DPP6: variants seen among roughly 807,000 people sequenced by gnomAD.
DPP6 encodes the protein A-type potassium channel modulatory protein DPP6.
A neutral mutation model predicts 122.6 loss-of-function variants in DPP6; 69 were observed. The observed-to-expected ratio is 0.56, with a 90% CI of 0.46 to 0.69. The LOEUF (loss-of-function observed/expected upper bound fraction) is 0.69. DPP6 is among the 30% of genes least tolerant of loss of function. The probability of loss-of-function intolerance (pLI) is 0.00; values close to 1 mark genes in which losing one functional copy is unlikely to be tolerated. For synonymous variants in DPP6, 418 were observed against 433.1 expected, an observed-to-expected ratio of 0.97 and a Z score of 0.43; for missense variants, 928 against 1,116.9, an observed-to-expected ratio of 0.83 and a Z score of 2.41.
chr7:153,873,725 T>G, the DPP6 span, among the ~76,000 whole-genome samples: 1 of 152,142 alleles, frequency 6.6e-6, no homozygotes, highest in Non-Finnish European at 1.5e-5. Context: ...AAGACTGCTG[T>G]TACAGAACAA....
chr7:154,207,867 A>G (rs1410292053), intron 1 of DPP6, among the ~76,000 whole-genome samples: 1 of 152,210 alleles, frequency 6.6e-6, no homozygotes, highest in South Asian at 2.1e-4. Context: ...AGGCAGGAGA[A>G]TCACTTGAAC....
intron 1 of DPP6, among the ~76,000 whole-genome samples, chr7:153,903,269 C>T (rs1405916313): frequency 6.6e-6 from 1 of 152,172 alleles, no homozygotes; most frequent in Non-Finnish European, 1.5e-5. Flanking sequence ...GGCTAAGGAG[C>T]AGCCATAGGG....
intron 1 of DPP6, among the ~76,000 whole-genome samples, chr7:154,425,615 T>G (rs1012086288): frequency 2.8e-5 from 3 of 106,186 alleles, no homozygotes; most frequent in Admixed American, 8.6e-5. Context: ...TGTGTGTGTG[T>G]GTGTGGGTGT....
At chr7:154,005,346 G>T (rs1467989728) in intron 1 of DPP6, among the ~76,000 whole-genome samples, 1 of 152,162 alleles carries the variant, frequency 6.6e-6, no homozygotes, top group Non-Finnish European at 1.5e-5. Context: ...GGGGCCGGGG[G>T]CTGAACTTTA....
chr7:154,613,426 C>T (rs544304656), intron 5 of DPP6, among the ~76,000 whole-genome samples: 2 of 151,882 alleles, frequency 1.3e-5, no homozygotes, highest in South Asian at 4.2e-4. Flanking sequence ...TTGAAACCAG[C>T]CTGACCAACA....
At chr7:154,827,522 C>T (rs1481380166) in intron 16 of DPP6, among the ~76,000 whole-genome samples, 1 of 152,028 alleles carries the variant, frequency 6.6e-6, no homozygotes, top group African/African-American at 2.4e-5. Flanking sequence ...GAAGAGAGGG[C>T]GTCTGCGCAG....
At chr7:153,965,031 CCTTT>C (rs1431506308) in intron 1 of DPP6, among the ~76,000 whole-genome samples, 10 of 120,078 alleles carry the variant, frequency 8.3e-5, no homozygotes, top group Non-Finnish European at 1.4e-4. Flanking sequence ...TTCCTTCCTT[CCTTT>C]CTTTCTCTCA....
chr7:154,145,453 T>C (rs2150671025), intron 1 of DPP6, among the ~76,000 whole-genome samples: 1 of 152,332 alleles, frequency 6.6e-6, no homozygotes, highest in East Asian at 1.9e-4. Context: ...GCCAAACTCA[T>C]GGGACCCTGA....
At chr7:154,564,817 G>C (rs1289197768) in intron 4 of DPP6, among the ~76,000 whole-genome samples, 1 of 152,140 alleles carries the variant, frequency 6.6e-6, no homozygotes, top group Non-Finnish European at 1.5e-5. Context: ...CAGAAGATTC[G>C]AGTTGTCCAA....
Position 154,877,363 on chromosome 7 carries a change from CT to C in DPP6, c.2078+1266del, listed in dbSNP as rs1804961821. Among the ~76,000 whole-genome samples, 1 of 151,880 alleles carries C rather than the reference CT, an allele frequency of 6.6e-6. No individual in the cohort carries two copies. The highest frequency in any genetic ancestry group is 2.1e-4 in the South Asian group (1 of 4,812). On this transcript the variant is annotated intron_variant, in intron 20 of 25. Coordinates refer to ENST00000377770, the MANE Select transcript of DPP6 (RefSeq NM_130797.4). The surrounding 1 kb of genome is among the most constrained non-coding windows in gnomAD (Gnocchi z 5.2). ...AGGGAAGGAGTGTCTGCCAGGATGC[CT>C]TTGCCTGGAAGTCAATGACTACAAC...
chr7:154,252,246 G>A (rs910603643), intron 1 of DPP6, among the ~76,000 whole-genome samples: 9 of 152,184 alleles, frequency 5.9e-5, no homozygotes, highest in East Asian at 3.9e-4. Flanking sequence ...GCGCGCATGC[G>A]CACGGTGGTG....
chr7:154,678,255 C>T (rs979994401), intron 7 of DPP6, among the ~76,000 whole-genome samples: 38 of 152,206 alleles, frequency 2.5e-4, no homozygotes, highest in African/African-American at 7.7e-4. Context: ...ACCCGCAGCT[C>T]GGGTTCCCTT....
intron 5 of DPP6, among the ~76,000 whole-genome samples, chr7:154,590,638 A>G (rs7786130): frequency 0.98 from 129,937 of 133,022 alleles, 63,649 homozygotes; most frequent in Non-Finnish European, 1. Context: ...AGGTTCAAAC[A>G]ATTCTCCTGC....
the DPP6 span, among the ~76,000 whole-genome samples, chr7:153,778,478 C>T: frequency 6.6e-6 from 1 of 151,174 alleles, no homozygotes; most frequent in Non-Finnish European, 1.5e-5. Context: ...TTACTCAGAT[C>T]TTGTATTTTG....
Position 154,608,319 on chromosome 7 carries a change from T to TTATATATATA in DPP6, c.628-29502_628-29501insTATATATATA, listed in dbSNP as rs1563922092. Among the ~76,000 whole-genome samples the TTATATATATA allele has an allele frequency of 1.2e-4, 10 of 81,298 alleles. 1 individual carries two copies. In the Admixed American group the frequency reaches 1.5e-3, roughly 12 times the overall value. The allele number at this position is 81,298 out of a possible 152,430, so 53.3% of individuals were successfully genotyped here. On this transcript the variant is annotated intron_variant, in intron 5 of 25. Transcript: ENST00000377770. The stretch of plus-strand genomic sequence containing the variant: ...CCATGCTTGCATTTTTTAGGAGTGA[T>TTATATATATA]CATATATATATATATATATATATTT...
chr7:154,697,242 C>T (rs1181918091), intron 7 of DPP6, among the ~76,000 whole-genome samples: 1 of 152,194 alleles, frequency 6.6e-6, no homozygotes, highest in Non-Finnish European at 1.5e-5. Flanking sequence ...TCCAACTTGC[C>T]TGACTCCACA....
At chr7:153,929,518 A>T (rs1262741196) in intron 1 of DPP6, among the ~76,000 whole-genome samples, 1 of 152,044 alleles carries the variant, frequency 6.6e-6, no homozygotes, top group Admixed American at 6.6e-5. Flanking sequence ...CAGCAACTAG[A>T]TGATGTTTAC....
At chr7:153,992,073 T>G (rs1797205132) in intron 1 of DPP6, among the ~76,000 whole-genome samples, 1 of 152,104 alleles carries the variant, frequency 6.6e-6, no homozygotes, top group African/African-American at 2.4e-5. Context: ...TTAAATGCAT[T>G]TATAAGGGTG....
chr7:154,821,033 C>T lies in DPP6; in HGVS notation c.1666+13921C>T, dbSNP rs1012688270. 1.3e-5 allele frequency among the ~76,000 whole-genome samples: 2 copies of T among 152,118 alleles called. No homozygotes were observed. The highest frequency in any genetic ancestry group is 2.9e-5 in the Non-Finnish European group (2 of 68,034). Reference sequence around the variant, plus strand: ...TTTACTGAAAGCATATTCTTAAGGCCGGTGTTGGGGATGCCCTTCTGGCTA... The same window carrying T: ...TTTACTGAAAGCATATTCTTAAGGCTGGTGTTGGGGATGCCCTTCTGGCTA... On this transcript the variant is annotated intron_variant, in intron 16 of 25. Coordinates refer to ENST00000377770, the MANE Select transcript of DPP6 (RefSeq NM_130797.4). This position sits in a 1 kb window ranked among gnomAD's most constrained non-coding sequence, Gnocchi z 4.2.
Sources: allele counts gnomAD v4.1 joint callset (sites outside exome capture counted in the v4.1 genomes callset), GRCh38; gene constraint gnomAD v4.1.1; non-coding constraint Gnocchi (gnomAD v3.1); transcripts MANE v1.5; gene names NCBI Gene and HGNC (gene_info 2026-07-23, HGNC 2026-07-21).